LRFN5: variants seen among roughly 807,000 people sequenced by gnomAD.
The protein encoded by LRFN5 is leucine-rich repeat and fibronectin type-III domain-containing protein 5.
Under a neutral mutation model 45.6 loss-of-function variants are expected in LRFN5, and 24 were observed. That is an observed-to-expected ratio of 0.53 (90% CI 0.38 to 0.74). The LOEUF is 0.74. Ranked by LOEUF, LRFN5 falls within the 30% of genes least tolerant of loss-of-function variation. The pLI, the probability that LRFN5 is intolerant of heterozygous loss-of-function variation, is 0.00. For synonymous variants in LRFN5, 340 were observed against 313.8 expected, an observed-to-expected ratio of 1.08 and a Z score of -0.88; for missense variants, 776 against 861.5, an observed-to-expected ratio of 0.90 and a Z score of 1.24.
intron 1 of LRFN5, among the ~76,000 whole-genome samples, chr14:41,694,881 G>T (rs1882537656): frequency 6.6e-6 from 1 of 151,846 alleles, no homozygotes; most frequent in Non-Finnish European, 1.5e-5. Flanking sequence ...CTAAGTGTTT[G>T]AACGAGAGAA....
At chr14:41,707,438 A>G (rs565966889) in intron 1 of LRFN5, among the ~76,000 whole-genome samples, 1 of 152,258 alleles carries the variant, frequency 6.6e-6, no homozygotes, top group African/African-American at 2.4e-5. Flanking sequence ...TGCATAATCA[A>G]TCTTTGTATA....
chr14:41,861,380 T>C (rs905731472), intron 2 of LRFN5, among the ~76,000 whole-genome samples: 8 of 152,226 alleles, frequency 5.3e-5, no homozygotes, highest in African/African-American at 1.9e-4. Flanking sequence ...CTACTACTTG[T>C]TTATATGCTT....
intron 1 of LRFN5, among the ~76,000 whole-genome samples, chr14:41,674,521 T>C (rs1315596361): frequency 9.4e-4 from 76 of 81,248 alleles, no homozygotes; most frequent in East Asian, 2.2e-3. Flanking sequence ...CCTCCACCTC[T>C]CTCCAGGACG....
At chr14:41,851,709 TA>T (rs1889274400) in intron 2 of LRFN5, among the ~76,000 whole-genome samples, 3 of 151,806 alleles carry the variant, frequency 2.0e-5, no homozygotes, top group Admixed American at 2.0e-4. Flanking sequence ...TTGGGTGGCT[TA>T]AAGTACCAAA....
chr14:41,673,170 CCT>C (rs1881319851), intron 1 of LRFN5, among the ~76,000 whole-genome samples: 1 of 152,112 alleles, frequency 6.6e-6, no homozygotes, highest in South Asian at 2.1e-4. Flanking sequence ...CCGCCTTTCC[CCT>C]CTTTCTATTC....
chr14:41,780,567 CTTAAT>C (rs1886445869), intron 2 of LRFN5, among the ~76,000 whole-genome samples: 1 of 151,278 alleles, frequency 6.6e-6, no homozygotes, highest in East Asian at 2.0e-4. Context: ...TCAATGTGTT[CTTAAT>C]TTAAAGTGGG....
intron 1 of LRFN5, among the ~76,000 whole-genome samples, chr14:41,719,432 A>G (rs1224945800): frequency 6.6e-6 from 1 of 152,066 alleles, no homozygotes; most frequent in Non-Finnish European, 1.5e-5. Context: ...TATGTTATAC[A>G]TATGTATATT....
At chr14:41,795,989 T>C (rs554704274) in intron 2 of LRFN5, among the ~76,000 whole-genome samples, 7 of 152,132 alleles carry the variant, frequency 4.6e-5, no homozygotes, top group Non-Finnish European at 8.8e-5. Context: ...AAAGACACTT[T>C]TTATCTTAGT....
At chr14:41,730,673 C>T (rs149265865) in intron 1 of LRFN5, among the ~76,000 whole-genome samples, 8 of 151,828 alleles carry the variant, frequency 5.3e-5, no homozygotes, top group African/African-American at 1.2e-4. Context: ...CTCTATTTTA[C>T]GTAATGATTT....
At chr14:41,675,101 C>T (rs1323931073) in intron 1 of LRFN5, among the ~76,000 whole-genome samples, 77 of 151,624 alleles carry the variant, frequency 5.1e-4, no homozygotes, top group African/African-American at 1.5e-3. Context: ...GGGGCAGAGA[C>T]GCTCCTCACT....
At position 41,812,529 on chromosome 14, in the gene LRFN5, T is replaced by C. The variant is rs188580014; in HGVS notation, c.-21+45500T>C. 3.7e-3 allele frequency among the ~76,000 whole-genome samples: 567 copies of C among 151,980 alleles called. 5 individuals are homozygous for C. The highest frequency in any genetic ancestry group is 0.013 in the African/African-American group (541 of 41,508). On this transcript the variant is annotated intron_variant, in intron 2 of 5. Coordinates refer to ENST00000298119, the MANE Select transcript of LRFN5 (RefSeq NM_152447.5). ...AACGATGGACAAAGATTATTCTCAATTATATATACAAAGGCACACAGAAAA... is the reference window on the plus strand; with the variant it reads ...AACGATGGACAAAGATTATTCTCAACTATATATACAAAGGCACACAGAAAA...
At position 41,899,162 on chromosome 14, in the gene LRFN5, G is replaced by T. The variant is rs545510679; in HGVS notation, c.2142+202G>T. ...AGTTTCTAAATTTAGAGATATTTGG[G>T]GTTAACTAAACATCTCTGCTTTGTC... On this transcript the variant is annotated intron_variant, in intron 5 of 5. Transcript: ENST00000298119. Among the ~76,000 whole-genome samples the T allele has an allele frequency of 3.9e-5, 6 of 152,084 alleles. No individual in the cohort carries two copies. The East Asian group carries it at 1.2e-3, about 29-fold the overall frequency.
intron 2 of LRFN5, among the ~76,000 whole-genome samples, chr14:41,834,431 T>A (rs1000946628): frequency 1.3e-5 from 2 of 152,206 alleles, no homozygotes; most frequent in African/African-American, 4.8e-5. Context: ...ATTTACTTTT[T>A]GAACCCAACT....
At chr14:41,830,698 C>T (rs532820975) in intron 2 of LRFN5, among the ~76,000 whole-genome samples, 1 of 152,220 alleles carries the variant, frequency 6.6e-6, no homozygotes, top group East Asian at 1.9e-4. Flanking sequence ...TGCAGGGAAG[C>T]TGGGGATGCT....
chr14:41,736,782 C>T (rs1193645561), intron 1 of LRFN5, among the ~76,000 whole-genome samples: 2 of 151,974 alleles, frequency 1.3e-5, no homozygotes, highest in Admixed American at 6.6e-5. Context: ...ACACATACAC[C>T]CTTCCAAGAT....
chr14:41,730,993 A>T (rs1884150329), intron 1 of LRFN5, among the ~76,000 whole-genome samples: 1 of 152,000 alleles, frequency 6.6e-6, no homozygotes, highest in African/African-American at 2.4e-5. Flanking sequence ...TAGCATCTAG[A>T]TGTTCATTTT....
At chr14:41,842,891 T>G (rs1888910964) in intron 2 of LRFN5, among the ~76,000 whole-genome samples, 1 of 152,062 alleles carries the variant, frequency 6.6e-6, no homozygotes, top group Non-Finnish European at 1.5e-5. Context: ...AACGCCTATT[T>G]GCATTTTATT....
At chr14:41,875,929 A>C (rs1405247032) in intron 2 of LRFN5, among the ~76,000 whole-genome samples, 1 of 152,206 alleles carries the variant, frequency 6.6e-6, no homozygotes, top group Non-Finnish European at 1.5e-5. Context: ...GTATTTAACC[A>C]GCTGGCCTCC....
At chr14:41,899,798 C>T (rs1891050294) in intron 5 of LRFN5, among the ~76,000 whole-genome samples, 3 of 152,104 alleles carry the variant, frequency 2.0e-5, no homozygotes, top group Admixed American at 2.0e-4. Flanking sequence ...TGAATTCTAT[C>T]CACAAATCAA....
Sources: allele counts gnomAD v4.1 joint callset (sites outside exome capture counted in the v4.1 genomes callset), GRCh38; gene constraint gnomAD v4.1.1; transcripts MANE v1.5; gene names NCBI Gene and HGNC (gene_info 2026-07-23, HGNC 2026-07-21).